The following PLCE1 variants were observed in gnomAD, a reference collection of about 807,000 sequenced individuals.
PLCE1 encodes 1-phosphatidylinositol 4,5-bisphosphate phosphodiesterase epsilon-1.
PLCE1 carries 119 observed loss-of-function variants against 242.8 expected under a neutral mutation model. The ratio of observed to expected loss-of-function variants is 0.49; its 90% CI spans 0.42 to 0.57. The LOEUF is 0.57. PLCE1 is among the 20% of genes least tolerant of loss of function. The pLI, the probability that PLCE1 is intolerant of heterozygous loss-of-function variation, is 0.00. For missense variants in PLCE1, 2,441 were observed against 2,788.8 expected (o/e 0.88, Z 2.81); for synonymous variants, 945 against 1,017.4 (o/e 0.93, Z 1.35).
chr10:94,227,585 A>G (rs2049991564), intron 5 of PLCE1, 134 bp downstream of exon 5: 2 of 893,576 alleles, frequency 2.2e-6, no homozygotes, highest in African/African-American at 1.6e-5. Flanking sequence ...GAAATGTATT[A>G]TCTTCTTTCA....
intron 4 of PLCE1, among the ~76,000 whole-genome samples, chr10:94,213,198 C>T (rs1383581641): frequency 6.6e-6 from 1 of 152,192 alleles, no homozygotes; most frequent in African/African-American, 2.4e-5. Context: ...CATTTTTATC[C>T]TGTGCTGAAC....
At chr10:94,042,454 G>T (rs1003687352) in intron 2 of PLCE1, among the ~76,000 whole-genome samples, 4 of 152,152 alleles carry the variant, frequency 2.6e-5, no homozygotes, top group African/African-American at 9.7e-5. Context: ...TTGAACCCAG[G>T]TCTGGCTACC....
intron 4 of PLCE1, among the ~76,000 whole-genome samples, chr10:94,221,677 G>T (rs1488025224): frequency 6.6e-6 from 1 of 152,184 alleles, no homozygotes; most frequent in African/African-American, 2.4e-5. Flanking sequence ...GGAGATTGCA[G>T]TGAGCCAAAA....
chr10:94,254,254 G>C lies in PLCE1; in HGVS notation c.3344G>C (p.Cys1115Ser). 6.2e-7 allele frequency: 1 copy of C among 1,614,062 alleles called. No individual in the cohort carries two copies. Among genetic ancestry groups the C allele is most frequent in the Non-Finnish European group, 8.5e-7 (1 of 1,179,964 alleles). ...ATRKAKMHKE[C>S]RSRSGSDPQD... is the part of the protein sequence containing the mutation. ...CGAAAGGCCAAGATGCACAAAGAGTGTCGAAGCCGGAGTGGTTCTGATCCT... is the reference window on the plus strand; with the variant it reads ...CGAAAGGCCAAGATGCACAAAGAGTCTCGAAGCCGGAGTGGTTCTGATCCT... The change falls in exon 10 of 33, where the codon TGT (cysteine) becomes TCT (serine). Residue 1115 changes from cysteine (C) to serine (S), a missense_variant. This residue lies in a region of PLCE1 where 1,004 missense variants were observed against 1,322.7 expected (regional missense o/e 0.76). Transcript: ENST00000371380.
intron 13 of PLCE1, among the ~76,000 whole-genome samples, chr10:94,261,917 A>C (rs530919851): frequency 1.3e-5 from 2 of 152,116 alleles, no homozygotes; most frequent in African/African-American, 4.8e-5. Flanking sequence ...AATTTCACCT[A>C]AGTCCCCAGC....
intron 2 of PLCE1, among the ~76,000 whole-genome samples, chr10:94,080,252 T>G (rs2044617734): frequency 6.6e-6 from 1 of 152,082 alleles, no homozygotes; most frequent in African/African-American, 2.4e-5. Flanking sequence ...AGGTCCAAAC[T>G]CCTCTCTGCC....
At chr10:94,183,654 C>G (rs1347492586) in intron 4 of PLCE1, among the ~76,000 whole-genome samples, 2 of 152,178 alleles carry the variant, frequency 1.3e-5, no homozygotes, top group Non-Finnish European at 2.9e-5. Flanking sequence ...ATACCTGAGG[C>G]TGGGTAATGT....
chr10:94,262,713 A>G lies in PLCE1; in HGVS notation c.4034A>G (p.Glu1345Gly). Residue 1345 changes from glutamate (E) to glycine (G), a missense_variant, in exon 14 of 33, where the codon GAA becomes GGA. Glu to Gly is a moderately conservative substitution (Grantham distance 98, BLOSUM62 -2). Coordinates refer to ENST00000371380, the MANE Select transcript of PLCE1 (RefSeq NM_016341.4). The part of the protein sequence containing the change: ...NCQGEHCTYD[E>G]ILSIIQKFEP... ...CAAGGAGAACACTGCACTTATGATGAAATCCTCAGCATCATCCAGGTTTGT... is the reference window on the plus strand; with the variant it reads ...CAAGGAGAACACTGCACTTATGATGGAATCCTCAGCATCATCCAGGTTTGT... 6.2e-7 allele frequency: 1 copy of G among 1,612,848 alleles called. No homozygotes were observed. Among genetic ancestry groups the G allele is most frequent in the Non-Finnish European group, 8.5e-7 (1 of 1,178,806 alleles).
At chr10:94,281,887 T>C (rs1043288620) in intron 20 of PLCE1, among the ~76,000 whole-genome samples, 6 of 151,864 alleles carry the variant, frequency 4.0e-5, no homozygotes, top group Non-Finnish European at 5.9e-5. Context: ...ACCACATGCC[T>C]TTGATTATTG....
At chr10:94,265,181 G>A (rs1200188156) in intron 14 of PLCE1, among the ~76,000 whole-genome samples, 4 of 152,192 alleles carry the variant, frequency 2.6e-5, no homozygotes, top group Non-Finnish European at 5.9e-5. Context: ...CAGTGTATTA[G>A]TTGTCCAGCA....
chr10:94,151,477 A>C (rs2136115486), intron 3 of PLCE1, among the ~76,000 whole-genome samples: 1 of 152,370 alleles, frequency 6.6e-6, no homozygotes, highest in East Asian at 1.9e-4. Flanking sequence ...TGCTATAAAA[A>C]GAACGTGAAA....
chr10:94,220,094 A>C (rs902374270), intron 4 of PLCE1, among the ~76,000 whole-genome samples: 1 of 151,796 alleles, frequency 6.6e-6, no homozygotes, highest in Non-Finnish European at 1.5e-5. Context: ...TATCCTCAGA[A>C]CTGAGATCCT....
chr10:94,318,101 G>C (rs2053639604), intron 29 of PLCE1, among the ~76,000 whole-genome samples: 1 of 152,150 alleles, frequency 6.6e-6, no homozygotes, highest in Non-Finnish European at 1.5e-5. Flanking sequence ...CTAGAGCCCA[G>C]AGCCACTGCC....
chr10:94,171,531 C>T, intron 4 of PLCE1, 35 bp downstream of exon 4: 2 of 1,527,592 alleles, frequency 1.3e-6, no homozygotes, highest in South Asian at 2.2e-5. Context: ...TGGTATTTGA[C>T]TCACCCGTAA....
At chr10:94,237,689 A>G (rs1343137665) in intron 7 of PLCE1, among the ~76,000 whole-genome samples, 2 of 152,146 alleles carry the variant, frequency 1.3e-5, no homozygotes, top group Non-Finnish European at 2.9e-5. Flanking sequence ...AGTGACTGCT[A>G]CTCTGAAAGG....
chr10:94,276,443 C>T (rs952443015), intron 19 of PLCE1, among the ~76,000 whole-genome samples: 36 of 152,270 alleles, frequency 2.4e-4, no homozygotes, highest in African/African-American at 8.7e-4. Context: ...CTTTGAAAAA[C>T]AGATTCTAAG....
At chr10:94,065,208 G>A (rs1311291790) in intron 2 of PLCE1, among the ~76,000 whole-genome samples, 1 of 152,066 alleles carries the variant, frequency 6.6e-6, no homozygotes, top group Non-Finnish European at 1.5e-5. Flanking sequence ...GTCTTCCCTG[G>A]TCACTGGAAC....
intron 32 of PLCE1, among the ~76,000 whole-genome samples, chr10:94,327,213 T>C (rs898741032): frequency 6.6e-6 from 1 of 152,188 alleles, no homozygotes; most frequent in Non-Finnish European, 1.5e-5. Flanking sequence ...TCTATGTGAA[T>C]TGACATCCCA....
intron 11 of PLCE1, among the ~76,000 whole-genome samples, chr10:94,255,804 ATCC>A (rs2051051640): frequency 6.6e-6 from 1 of 151,202 alleles, no homozygotes; most frequent in Non-Finnish European, 1.5e-5. Context: ...ATCCTCCTGT[ATCC>A]CACATTAAAG....
Sources: gnomAD v4.1 joint callset for allele counts (sites outside exome capture counted in the v4.1 genomes callset) on GRCh38, gnomAD v4.1.1 for gene constraint, gnomAD v4.1.1 regional missense constraint, MANE v1.5 for transcripts, NCBI Gene and HGNC (gene_info 2026-07-23, HGNC 2026-07-21) for gene names.